Variants in LY96 observed in about 807,000 individuals in gnomAD.
LY96 encodes myeloid differentiation protein-2.
A neutral mutation model predicts 18.9 loss-of-function variants in LY96; 18 were observed. The observed-to-expected ratio is 0.95, with a 90% CI of 0.66 to 1.41. The LOEUF is 1.41. Ranked by LOEUF, LY96 falls within the 40% of genes most tolerant of loss-of-function variation. The pLI, the probability that LY96 is intolerant of heterozygous loss-of-function variation, is 0.00. For missense variants in LY96, 175 were observed against 182.4 expected (o/e 0.96, Z 0.23); for synonymous variants, 66 against 62.6 (o/e 1.06, Z -0.26).
intron 3 of LY96, among the ~76,000 whole-genome samples, chr8:74,021,543 C>A (rs1032888150): frequency 6.6e-6 from 1 of 152,172 alleles, no homozygotes; most frequent in African/African-American, 2.4e-5. Flanking sequence ...ACTAGAAATA[C>A]CATTTGACCC....
At chr8:74,097,803 C>A in the LY96 span, among the ~76,000 whole-genome samples, 1 of 152,172 alleles carries the variant, frequency 6.6e-6, no homozygotes, top group African/African-American at 2.4e-5. Flanking sequence ...GGTCTTCAGA[C>A]CAGCATCATC....
At chr8:74,035,418 T>C in the LY96 span, among the ~76,000 whole-genome samples, 1 of 152,052 alleles carries the variant, frequency 6.6e-6, no homozygotes, top group African/African-American at 2.4e-5. Context: ...AAATAAAGAT[T>C]TGGTGGCCAT....
chr8:74,093,303 C>T, the LY96 span, among the ~76,000 whole-genome samples: 244 of 152,320 alleles, frequency 1.6e-3, no homozygotes, highest in Non-Finnish European at 3.0e-3. Context: ...TTTCTACATG[C>T]ATGATGATCT....
intron 1 of LY96, among the ~76,000 whole-genome samples, chr8:73,996,736 T>C (rs1816155509): frequency 6.6e-6 from 1 of 150,632 alleles, no homozygotes; most frequent in African/African-American, 2.4e-5. Flanking sequence ...ATTTTTGTAT[T>C]TTTTGGGGGA....
intron 3 of LY96, among the ~76,000 whole-genome samples, chr8:74,014,363 C>T (rs1489544759): frequency 1.6e-4 from 23 of 147,308 alleles, no homozygotes; most frequent in Admixed American, 8.2e-4. Flanking sequence ...TGTGATCCAC[C>T]GCTGCACTCC....
At chr8:74,096,304 G>C in the LY96 span, among the ~76,000 whole-genome samples, 1 of 152,106 alleles carries the variant, frequency 6.6e-6, no homozygotes, top group African/African-American at 2.4e-5. Flanking sequence ...TGCATGATCT[G>C]TCCCTTCCCC....
At chr8:74,024,684 C>T (rs911540827) in intron 3 of LY96, among the ~76,000 whole-genome samples, 10 of 152,106 alleles carry the variant, frequency 6.6e-5, no homozygotes, top group African/African-American at 2.4e-4. Context: ...AAACCCAAGC[C>T]GTTCTGGCCC....
Position 73,997,124 on chromosome 8 carries a change from C to T in LY96, c.112+5570C>T, listed in dbSNP as rs115006184. Among the ~76,000 whole-genome samples, 744 of 152,194 alleles carry T rather than the reference C, an allele frequency of 4.9e-3. 9 individuals are homozygous for T. Among genetic ancestry groups the T allele is most frequent in the African/African-American group, 0.017 (704 of 41,538 alleles). Reference sequence around the variant, plus strand: ...AGCCTGCCTTGGCCTCCCAACGTGTCGGGATTACAGGCATGAGCCACCGTG... The same window carrying T: ...AGCCTGCCTTGGCCTCCCAACGTGTTGGGATTACAGGCATGAGCCACCGTG... On this transcript the variant is annotated intron_variant, in intron 1 of 4. Transcript: ENST00000284818.
chr8:74,081,046 CTTTT>C, the LY96 span, among the ~76,000 whole-genome samples: 666 of 86,900 alleles, frequency 7.7e-3, 8 homozygotes, highest in African/African-American at 0.026. Flanking sequence ...TTCTTTCTTT[CTTTT>C]TCTTTCTTTC....
the LY96 span, chr8:74,056,469 C>T: frequency 1.1e-5 from 2 of 178,102 alleles, no homozygotes; most frequent in South Asian, 2.2e-4. Flanking sequence ...AGTCTAGTTA[C>T]CCTGTCCATG....
At chr8:74,068,123 A>G in the LY96 span, among the ~76,000 whole-genome samples, 4 of 145,882 alleles carry the variant, frequency 2.7e-5, no homozygotes, top group Admixed American at 1.4e-4. Context: ...CATTTCCCAA[A>G]GATTTTCTTG....
At position 74,029,053 on chromosome 8, in the gene LY96, AG is replaced by A; in HGVS notation, c.483del (p.Ter161=). On this transcript the variant is annotated frameshift_variant and stop_lost, in exon 5 of 5. Coordinates refer to ENST00000284818, the MANE Select transcript of LY96 (RefSeq NM_015364.5). LOFTEE classifies it high-confidence loss of function. ...FVILHQPNSN[*>X] ...ATCCTACACCAACCTAATTCAAATT[AG>A]AATAAATTGAGTATTTAAAAAAAAA... is the stretch of plus-strand genomic sequence containing the variant. 1 of 1,584,672 alleles carries A rather than the reference AG, an allele frequency of 6.3e-7. No homozygotes were observed. Among genetic ancestry groups the A allele is most frequent in the Non-Finnish European group, 8.7e-7 (1 of 1,154,870 alleles).
intron 3 of LY96, among the ~76,000 whole-genome samples, chr8:74,023,984 C>T (rs1816819833): frequency 6.6e-6 from 1 of 152,040 alleles, no homozygotes; most frequent in African/African-American, 2.4e-5. Flanking sequence ...AACAGGTTTC[C>T]CCCATCTTTT....
intron 1 of LY96, among the ~76,000 whole-genome samples, chr8:73,994,635 C>T (rs1284566243): frequency 1.3e-5 from 2 of 152,152 alleles, no homozygotes; most frequent in African/African-American, 4.8e-5. Context: ...TACAGGCGTG[C>T]ACCACCATGT....
the LY96 span, among the ~76,000 whole-genome samples, chr8:74,072,435 T>C: frequency 6.6e-6 from 1 of 152,222 alleles, no homozygotes; most frequent in African/African-American, 2.4e-5. Flanking sequence ...ACTGATGCAT[T>C]ATAATCTAAC....
At chr8:74,073,901 G>C in the LY96 span, among the ~76,000 whole-genome samples, 1 of 151,864 alleles carries the variant, frequency 6.6e-6, no homozygotes, top group African/African-American at 2.4e-5. Flanking sequence ...CAAGTGATCT[G>C]CCTGCCTCAG....
At chr8:74,061,931 A>C in the LY96 span, among the ~76,000 whole-genome samples, 12 of 152,144 alleles carry the variant, frequency 7.9e-5, no homozygotes, top group Non-Finnish European at 1.5e-4. Context: ...TATTCTTTAA[A>C]CTTTTGGATT....
the LY96 span, among the ~76,000 whole-genome samples, chr8:74,092,772 G>A: frequency 6.6e-6 from 1 of 152,058 alleles, no homozygotes; most frequent in Non-Finnish European, 1.5e-5. Flanking sequence ...GTGCCACTCT[G>A]TCTTCTTCAC....
chr8:74,011,021 A>G (rs1347556901), intron 3 of LY96, among the ~76,000 whole-genome samples: 2 of 152,176 alleles, frequency 1.3e-5, no homozygotes, highest in African/African-American at 4.8e-5. Flanking sequence ...GTCAGACTCA[A>G]ATCAGCTTGT....
Sources: allele counts gnomAD v4.1 joint callset (sites outside exome capture counted in the v4.1 genomes callset), GRCh38; gene constraint gnomAD v4.1.1; transcripts MANE v1.5; gene names NCBI Gene and HGNC (gene_info 2026-07-23, HGNC 2026-07-21).